CCDC171: variants seen among roughly 807,000 people sequenced by gnomAD.
CCDC171 encodes coiled-coil domain containing 171.
In CCDC171, 177 loss-of-function variants were observed where a neutral mutation model predicts 168.2. The ratio of observed to expected loss-of-function variants is 1.05; its 90% CI spans 0.93 to 1.19. The LOEUF (loss-of-function observed/expected upper bound fraction) is 1.19. CCDC171 is among the 50% of genes most tolerant of loss of function. The pLI is 0.00. For missense variants in CCDC171, 1,991 were observed against 1,539.0 expected (o/e 1.29, Z -4.91); for synonymous variants, 687 against 540.8 (o/e 1.27, Z -3.75).
intron 21 of CCDC171, among the ~76,000 whole-genome samples, chr9:15,845,125 G>A (rs2060839650): frequency 1.3e-5 from 2 of 151,980 alleles, no homozygotes; most frequent in African/African-American, 4.8e-5. Context: ...GACTTTAAAA[G>A]GAACTCAAAA....
At chr9:15,748,969 T>G (rs149983555) in intron 18 of CCDC171, among the ~76,000 whole-genome samples, 2,689 of 152,228 alleles carry the variant, frequency 0.018, 93 homozygotes, top group African/African-American at 0.061. Context: ...TATAACAATA[T>G]TAACCTTAAA....
intron 9 of CCDC171, among the ~76,000 whole-genome samples, chr9:15,676,873 G>T (rs2049612613): frequency 6.6e-6 from 1 of 152,128 alleles, no homozygotes; most frequent in South Asian, 2.1e-4. Context: ...ACTTAACACA[G>T]AGTGGCCATC....
intron 4 of CCDC171, among the ~76,000 whole-genome samples, chr9:15,585,937 C>G (rs1243886703): frequency 1.3e-5 from 2 of 152,136 alleles, no homozygotes; most frequent in African/African-American, 2.4e-5. Context: ...AATCGTACCA[C>G]TGCACTCTAG....
intron 25 of CCDC171, among the ~76,000 whole-genome samples, chr9:15,952,005 A>G (rs1218861033): frequency 6.6e-6 from 1 of 152,140 alleles, no homozygotes; most frequent in African/African-American, 2.4e-5. Context: ...TTGGTCTTAC[A>G]TTAGGTCCTT....
chr9:15,948,904 A>C (rs540323151), intron 25 of CCDC171, among the ~76,000 whole-genome samples: 2 of 152,226 alleles, frequency 1.3e-5, no homozygotes, highest in South Asian at 2.1e-4. Flanking sequence ...GCCCATGCCT[A>C]TGTCCTGAAT....
chr9:15,875,681 T>A (rs1817743436), intron 24 of CCDC171: 1 of 152,040 alleles, frequency 6.6e-6, no homozygotes, highest in Admixed American at 6.6e-5. Context: ...AGAAAATTAA[T>A]GTCAGTGTGT....
chr9:15,710,430 G>A (rs2052574282), intron 11 of CCDC171, among the ~76,000 whole-genome samples: 1 of 151,856 alleles, frequency 6.6e-6, no homozygotes, highest in African/African-American at 2.4e-5. Flanking sequence ...AGCCTCCCAG[G>A]TAGCTGGGAC....
At chr9:15,794,762 G>C (rs1017861126) in intron 21 of CCDC171, among the ~76,000 whole-genome samples, 2 of 152,168 alleles carry the variant, frequency 1.3e-5, no homozygotes, top group Admixed American at 1.3e-4. Context: ...CTGACCCTTG[G>C]GTTATGTTTT....
chr9:15,558,140 C>T (rs1439175162), intron 1 of CCDC171, among the ~76,000 whole-genome samples: 3 of 151,746 alleles, frequency 2.0e-5, no homozygotes, highest in East Asian at 3.9e-4. Flanking sequence ...TTTGGTTTGC[C>T]AGTATTTTAT....
At chr9:15,556,545 G>C (rs1384790307) in intron 1 of CCDC171, among the ~76,000 whole-genome samples, 1 of 152,150 alleles carries the variant, frequency 6.6e-6, no homozygotes, top group African/African-American at 2.4e-5. Flanking sequence ...ATTCTTTTGA[G>C]AAATGTCTGT....
chr9:15,824,047 C>G (rs2059909225), intron 21 of CCDC171, among the ~76,000 whole-genome samples: 1 of 152,008 alleles, frequency 6.6e-6, no homozygotes, highest in Non-Finnish European at 1.5e-5. Context: ...CTGAATTAAT[C>G]AGGCTACACA....
intron 24 of CCDC171, among the ~76,000 whole-genome samples, chr9:15,919,843 TG>T (rs1280824449): frequency 6.6e-6 from 1 of 151,650 alleles, no homozygotes; most frequent in African/African-American, 2.4e-5. Flanking sequence ...TCAAAACATT[TG>T]TTTTTTAGGT....
intron 24 of CCDC171, among the ~76,000 whole-genome samples, chr9:15,907,496 C>A (rs1358897054): frequency 6.6e-6 from 1 of 152,128 alleles, no homozygotes; most frequent in African/African-American, 2.4e-5. Context: ...ACACCTCATA[C>A]AAAAATTAAT....
At chr9:16,102,432 A>C in the CCDC171 span, among the ~76,000 whole-genome samples, 607 of 132,362 alleles carry the variant, frequency 4.6e-3, 4 homozygotes, top group South Asian at 0.016. Flanking sequence ...GCCAAAGTTC[A>C]TTATGGATCT....
At chr9:15,611,575 A>G (rs1347986943) in intron 6 of CCDC171, among the ~76,000 whole-genome samples, 1 of 152,142 alleles carries the variant, frequency 6.6e-6, no homozygotes, top group East Asian at 1.9e-4. Context: ...CTAACTGCCC[A>G]CTATGCAGAT....
chr9:15,848,784 A>G, intron 22 of CCDC171, 109 bp from the exon 23 acceptor site: 2 of 529,788 alleles, frequency 3.8e-6, no homozygotes, highest in Non-Finnish European at 3.4e-6. Flanking sequence ...TAAAAGGAGA[A>G]CAGTGATATC....
chr9:15,553,019 C>G (rs2038462359), upstream of CCDC171: 1 of 152,830 alleles, frequency 6.5e-6, no homozygotes, highest in Admixed American at 6.5e-5. Context: ...AAAGTGGGGC[C>G]GGGCCTGAGT....
intron 25 of CCDC171, among the ~76,000 whole-genome samples, chr9:15,954,333 G>T (rs1340046999): frequency 6.6e-6 from 1 of 151,600 alleles, no homozygotes; most frequent in African/African-American, 2.4e-5. Context: ...TTCCCCCTTA[G>T]CACTGCTTCC....
chr9:15,946,279 T>C (rs1239420678), intron 25 of CCDC171, among the ~76,000 whole-genome samples: 27 of 152,118 alleles, frequency 1.8e-4, no homozygotes, highest in Non-Finnish European at 1.6e-4. Context: ...TTTTGGTTAC[T>C]GTAGCCAAAA....
Sources: allele counts gnomAD v4.1 joint callset (sites outside exome capture counted in the v4.1 genomes callset), GRCh38; gene constraint gnomAD v4.1.1; transcripts MANE v1.5; gene names NCBI Gene and HGNC (gene_info 2026-07-23, HGNC 2026-07-21).